The following UBE2G1 variants were observed in gnomAD, a reference collection of about 807,000 sequenced individuals.
UBE2G1 encodes ubiquitin conjugating enzyme E2 G1.
In UBE2G1, 5 loss-of-function variants were observed where a neutral mutation model predicts 22.7. That is an observed-to-expected ratio of 0.22 (90% CI 0.12 to 0.46). The LOEUF (loss-of-function observed/expected upper bound fraction) is 0.46. Among genes scored for constraint, UBE2G1 ranks in the 20% least tolerant of loss-of-function variants. The probability of loss-of-function intolerance (pLI) is 0.99; values close to 1 mark genes in which losing one functional copy is unlikely to be tolerated. For missense variants in UBE2G1, 88 were observed against 203.9 expected, an observed-to-expected ratio of 0.43 and a Z score of 3.46; for synonymous variants, 74 against 67.5, an observed-to-expected ratio of 1.10 and a Z score of -0.47.
At chr17:4,294,435 AAAAAAGAAAGAAAC>A (rs768138556) in intron 3 of UBE2G1, among the ~76,000 whole-genome samples, 1,187 of 50,328 alleles carry the variant, frequency 0.024, 12 homozygotes, top group Middle Eastern at 0.028. Context: ...AAAAAAAAAA[AAAAAAGAAAGAAAC>A]GAAAAGAAAA....
chr17:4,301,589 CT>C, intron 2 of UBE2G1: 2 of 1,307,260 alleles, frequency 1.5e-6, no homozygotes, highest in Non-Finnish European at 2.2e-6. Context: ...TCTTTGGTGG[CT>C]TTTTAAAAGA....
intron 1 of UBE2G1, among the ~76,000 whole-genome samples, chr17:4,318,039 C>A (rs1192632131): frequency 6.6e-6 from 1 of 152,194 alleles, no homozygotes; most frequent in Non-Finnish European, 1.5e-5. Context: ...TTATGTATTA[C>A]TAGCCTGGGC....
chr17:4,308,764 G>A (rs373580331), intron 1 of UBE2G1, among the ~76,000 whole-genome samples: 14 of 152,156 alleles, frequency 9.2e-5, no homozygotes, highest in Non-Finnish European at 1.3e-4. Flanking sequence ...TGTAATTCTC[G>A]TATACTACCT....
intron 1 of UBE2G1, among the ~76,000 whole-genome samples, chr17:4,348,970 C>CGA (rs1437517712): frequency 6.6e-6 from 1 of 151,256 alleles, no homozygotes; most frequent in Non-Finnish European, 1.5e-5. Context: ...AGGCAGATCA[C>CGA]GAGGTCAAGA....
chr17:4,307,170 G>C (rs1969257732), intron 1 of UBE2G1, 47 bp from the exon 2 acceptor site: 1 of 1,461,470 alleles, frequency 6.8e-7, no homozygotes, highest in Non-Finnish European at 9.6e-7. Flanking sequence ...CACATAATTT[G>C]CATCCAGTAG....
chr17:4,284,680 TTTAA>T (rs1212385740), intron 4 of UBE2G1, among the ~76,000 whole-genome samples: 1 of 151,990 alleles, frequency 6.6e-6, no homozygotes, highest in Non-Finnish European at 1.5e-5. Flanking sequence ...CATTTTGGAA[TTTAA>T]AAGACACCTC....
intron 1 of UBE2G1, among the ~76,000 whole-genome samples, chr17:4,361,670 G>A (rs955733120): frequency 6.6e-6 from 1 of 152,106 alleles, no homozygotes; most frequent in Non-Finnish European, 1.5e-5. Context: ...CAGGCATGAT[G>A]GCTCATGCCT....
At chr17:4,317,303 T>C (rs1369430310) in intron 1 of UBE2G1, among the ~76,000 whole-genome samples, 2 of 152,016 alleles carry the variant, frequency 1.3e-5, no homozygotes, top group Admixed American at 1.3e-4. Flanking sequence ...TGAGCTGAGA[T>C]CGTGTCACTG....
At chr17:4,301,544 T>C in intron 2 of UBE2G1, 1 of 1,323,348 alleles carries the variant, frequency 7.6e-7, no homozygotes, top group Non-Finnish European at 1.1e-6. Flanking sequence ...TGCTGCTATA[T>C]GCCTGGTATT....
In UBE2G1 at chr17:4,284,829, CTTT is replaced by C. The variant is rs1265116390; in HGVS notation, c.427-1911_427-1909del. On this transcript the variant is annotated intron_variant, in intron 4 of 5. Coordinates refer to ENST00000396981, the MANE Select transcript of UBE2G1 (RefSeq NM_003342.5). ...TTTCTTTTTCTTTTTCTTTTCTTTT[CTTT>C]TCTTTCTTTTTTTTTTTTTTTTTTT... Among the ~76,000 whole-genome samples the C allele has an allele frequency of 1.0e-4, 7 of 68,050 alleles. No individual in the cohort carries two copies. In the Admixed American group the frequency reaches 1.2e-3, roughly 12 times the overall value. 44.6% of individuals were successfully genotyped at this position (68,050 alleles called of 152,430 possible).
intron 1 of UBE2G1, among the ~76,000 whole-genome samples, chr17:4,347,199 A>C (rs1324120554): frequency 2.6e-5 from 4 of 152,102 alleles, no homozygotes; most frequent in Non-Finnish European, 5.9e-5. Flanking sequence ...CCTTATCTAA[A>C]ATGCTTGGGA....
At chr17:4,320,384 C>T (rs375981618) in intron 1 of UBE2G1, among the ~76,000 whole-genome samples, 5 of 152,112 alleles carry the variant, frequency 3.3e-5, no homozygotes, top group Admixed American at 2.0e-4. Context: ...TCTCTTCTTG[C>T]GATAAATGTC....
At chr17:4,352,035 G>C (rs1231176740) in intron 1 of UBE2G1, among the ~76,000 whole-genome samples, 3 of 152,108 alleles carry the variant, frequency 2.0e-5, no homozygotes, top group Non-Finnish European at 4.4e-5. Context: ...GAAAGGCTGA[G>C]GCGGGTGAGG....
intron 2 of UBE2G1, chr17:4,302,053 G>A (rs1304767504): frequency 8.0e-6 from 4 of 499,664 alleles, no homozygotes; most frequent in Non-Finnish European, 1.6e-5. Context: ...AAAAAGGGGG[G>A]GGAAGTTTTT....
intron 1 of UBE2G1, among the ~76,000 whole-genome samples, chr17:4,321,330 G>C (rs950200107): frequency 4.3e-5 from 5 of 115,772 alleles, no homozygotes; most frequent in African/African-American, 1.3e-4. Context: ...CTACAGCCTT[G>C]CTAACACTGG....
chr17:4,281,542 C>T (rs1968891933), intron 5 of UBE2G1, among the ~76,000 whole-genome samples: 1 of 152,106 alleles, frequency 6.6e-6, no homozygotes, highest in Non-Finnish European at 1.5e-5. Flanking sequence ...TCAACCCCCA[C>T]AAATCAATAG....
chr17:4,334,534 G>T (rs1461552519), intron 1 of UBE2G1, among the ~76,000 whole-genome samples: 1 of 151,314 alleles, frequency 6.6e-6, no homozygotes, highest in African/African-American at 2.5e-5. Flanking sequence ...AAACAATGTG[G>T]TTTTACCTGT....
At chr17:4,315,801 T>TTTTTTTCC (rs1969362540) in intron 1 of UBE2G1, among the ~76,000 whole-genome samples, 1 of 4,650 alleles carries the variant, frequency 2.2e-4, no homozygotes. Context: ...AAGAGGCTCC[T>TTTTTTTCC]TTTTTTTTTT....
intron 1 of UBE2G1, chr17:4,345,655 G>A (rs990463339): frequency 2.0e-5 from 3 of 152,134 alleles, no homozygotes; most frequent in Admixed American, 1.3e-4. Flanking sequence ...TCATAGTAAC[G>A]AGAGATATCT....
Sources: gnomAD v4.1 joint callset for allele counts (sites outside exome capture counted in the v4.1 genomes callset) on GRCh38, gnomAD v4.1.1 for gene constraint, MANE v1.5 for transcripts, NCBI Gene and HGNC (gene_info 2026-07-23, HGNC 2026-07-21) for gene names.